CDIN1: variants seen among roughly 807,000 people sequenced by gnomAD.
The protein encoded by CDIN1 is CDAN1 interacting nuclease 1.
Under a neutral mutation model 45.3 loss-of-function variants are expected in CDIN1, and 33 were observed. The ratio of observed to expected loss-of-function variants is 0.73; its 90% CI spans 0.55 to 0.97. The LOEUF is 0.97. Among genes scored for constraint, CDIN1 ranks in the 50% least tolerant of loss-of-function variants. The pLI, the probability that CDIN1 is intolerant of heterozygous loss-of-function variation, is 0.00. For synonymous variants in CDIN1, 118 were observed against 124.4 expected (o/e 0.95, Z 0.34); for missense variants, 303 against 339.4 (o/e 0.89, Z 0.84).
At chr15:36,662,244 G>A (rs931959319) in intron 5 of CDIN1, among the ~76,000 whole-genome samples, 13 of 152,136 alleles carry the variant, frequency 8.5e-5, no homozygotes, top group South Asian at 4.1e-4. Context: ...GTAATTTGCC[G>A]TAAAGATGAA....
intron 10 of CDIN1, among the ~76,000 whole-genome samples, chr15:36,773,795 T>C (rs1464415200): frequency 2.6e-5 from 4 of 152,234 alleles, no homozygotes; most frequent in Admixed American, 2.6e-4. Flanking sequence ...TGAAAAGACC[T>C]TTCAACTTGT....
intron 10 of CDIN1, among the ~76,000 whole-genome samples, chr15:36,779,477 A>G (rs915852167): frequency 3.9e-5 from 6 of 152,186 alleles, no homozygotes; most frequent in African/African-American, 7.2e-5. Context: ...GTCAGACTGC[A>G]TATCAGATTT....
chr15:36,618,900 A>T, intron 1 of CDIN1: 3 of 1,253,950 alleles, frequency 2.4e-6, no homozygotes, highest in Non-Finnish European at 3.5e-6. Context: ...TGTAATCGTA[A>T]CATAAATGTA....
At chr15:36,779,548 T>C (rs1053171980) in intron 10 of CDIN1, among the ~76,000 whole-genome samples, 1 of 152,150 alleles carries the variant, frequency 6.6e-6, no homozygotes, top group Non-Finnish European at 1.5e-5. Flanking sequence ...CTTACTCAGA[T>C]TGTGTCTAAA....
At chr15:36,800,905 G>GTCTATATATA (rs1437486563) in intron 10 of CDIN1, among the ~76,000 whole-genome samples, 2 of 22,110 alleles carry the variant, frequency 9.0e-5, no homozygotes, top group East Asian at 4.6e-3. Context: ...GTGTGTGTGT[G>GTCTATATATA]TGTGTATATA....
intron 4 of CDIN1, among the ~76,000 whole-genome samples, chr15:36,655,925 A>G (rs1479019128): frequency 3.9e-5 from 6 of 152,166 alleles, no homozygotes; most frequent in African/African-American, 1.2e-4. Flanking sequence ...TCAGTCTTCT[A>G]GTAATATGGA....
intron 5 of CDIN1, among the ~76,000 whole-genome samples, chr15:36,681,231 A>C (rs2140620165): frequency 6.6e-6 from 1 of 152,320 alleles, no homozygotes; most frequent in Middle Eastern, 3.4e-3. Flanking sequence ...TTAAAAAATA[A>C]AATGTAGAAA....
intron 5 of CDIN1, among the ~76,000 whole-genome samples, chr15:36,685,974 A>C (rs1324994962): frequency 6.6e-6 from 1 of 151,618 alleles, no homozygotes; most frequent in African/African-American, 2.4e-5. Flanking sequence ...ACTGTAAACT[A>C]GTTCAACCAT....
rs144561376 is a variant in CDIN1, at chr15:36,634,003, C to T, written c.102-10275C>T. On this transcript the variant is annotated intron_variant, in intron 1 of 10. Coordinates refer to ENST00000566621, the MANE Select transcript of CDIN1 (RefSeq NM_001321759.2). ...TGGGCCTCAAGTGATCTGCTCGCCT[C>T]GGCCTCCCAAAGTGCTGGGATTACA... is the stretch of plus-strand genomic sequence containing the variant. Among the ~76,000 whole-genome samples the T allele has an allele frequency of 3.4e-3, 518 of 152,048 alleles. 6 individuals are homozygous for T. The highest frequency in any genetic ancestry group is 0.012 in the African/African-American group (479 of 41,484).
At chr15:36,606,629 T>G (rs1165589049) in intron 1 of CDIN1, among the ~76,000 whole-genome samples, 1 of 152,220 alleles carries the variant, frequency 6.6e-6, no homozygotes, top group Non-Finnish European at 1.5e-5. Flanking sequence ...CAGTCTTGGA[T>G]AATTTAATTT....
intron 1 of CDIN1, chr15:36,618,417 A>C (rs1253505467): frequency 5.2e-6 from 4 of 768,186 alleles, no homozygotes; most frequent in Non-Finnish European, 9.4e-6. Flanking sequence ...TGGTAGGGGC[A>C]GGAGAACTCT....
chr15:36,757,445 C>A (rs2053638076), intron 10 of CDIN1, among the ~76,000 whole-genome samples: 1 of 152,144 alleles, frequency 6.6e-6, no homozygotes, highest in Admixed American at 6.5e-5. Flanking sequence ...TGCAGTAGTC[C>A]CTTTCTAGTC....
At chr15:36,624,432 C>T (rs1334885517) in intron 1 of CDIN1, among the ~76,000 whole-genome samples, 1 of 152,068 alleles carries the variant, frequency 6.6e-6, no homozygotes, top group Non-Finnish European at 1.5e-5. Flanking sequence ...TTAACATTGC[C>T]AGCATTTATT....
intron 5 of CDIN1, among the ~76,000 whole-genome samples, chr15:36,684,171 T>C (rs2041956671): frequency 1.3e-5 from 2 of 149,892 alleles, no homozygotes; most frequent in Non-Finnish European, 3.0e-5. Flanking sequence ...AAGGGAATGC[T>C]TCCAGTTTTT....
chr15:36,689,060 C>G (rs2042154040), intron 5 of CDIN1, among the ~76,000 whole-genome samples: 1 of 152,178 alleles, frequency 6.6e-6, no homozygotes, highest in South Asian at 2.1e-4. Context: ...CCATTTAAAA[C>G]AACTGACTTC....
chr15:36,665,981 G>C (rs2041233530), intron 5 of CDIN1, among the ~76,000 whole-genome samples: 1 of 152,010 alleles, frequency 6.6e-6, no homozygotes, highest in Non-Finnish European at 1.5e-5. Flanking sequence ...GTTATTCCAG[G>C]ATATTTATTG....
chr15:36,652,236 GTGA>G (rs1385030221), intron 3 of CDIN1, among the ~76,000 whole-genome samples: 1 of 152,182 alleles, frequency 6.6e-6, no homozygotes, highest in Non-Finnish European at 1.5e-5. Context: ...TATAATCTCT[GTGA>G]TGATGGGACC....
At chr15:36,761,075 C>A (rs1003612429) in intron 10 of CDIN1, among the ~76,000 whole-genome samples, 1 of 152,110 alleles carries the variant, frequency 6.6e-6, no homozygotes, top group African/African-American at 2.4e-5. Flanking sequence ...TTATAAGATA[C>A]GCCTTCACCG....
At chr15:36,696,946 T>TAAAAA (rs1163749494) in intron 7 of CDIN1, among the ~76,000 whole-genome samples, 2 of 92,256 alleles carry the variant, frequency 2.2e-5, no homozygotes, top group Non-Finnish European at 2.1e-5. Flanking sequence ...ATTCCATTTC[T>TAAAAA]AAAAAAAAAA....
Sources: gnomAD v4.1 joint callset for allele counts (sites outside exome capture counted in the v4.1 genomes callset) on GRCh38, gnomAD v4.1.1 for gene constraint, MANE v1.5 for transcripts, NCBI Gene and HGNC (gene_info 2026-07-23, HGNC 2026-07-21) for gene names.